Variants in CFAP299 observed in about 807,000 individuals in gnomAD.
CFAP299 encodes cilia- and flagella-associated protein 299.
A neutral mutation model predicts 27.0 loss-of-function variants in CFAP299; 21 were observed. That is an observed-to-expected ratio of 0.78 (90% CI 0.55 to 1.12). CFAP299 has a LOEUF of 1.12. Among genes scored for constraint, CFAP299 ranks in the 50% most tolerant of loss-of-function variants. The probability of loss-of-function intolerance (pLI) is 0.00; values close to 1 mark genes in which losing one functional copy is unlikely to be tolerated. For missense variants in CFAP299, 310 were observed against 276.6 expected, an observed-to-expected ratio of 1.12 and a Z score of -0.86; for synonymous variants, 104 against 98.1, an observed-to-expected ratio of 1.06 and a Z score of -0.36.
intron 3 of CFAP299, among the ~76,000 whole-genome samples, chr4:80,697,421 TA>T (rs1443402521): frequency 6.6e-6 from 1 of 152,222 alleles, no homozygotes; most frequent in African/African-American, 2.4e-5. Flanking sequence ...GCTACTCTTA[TA>T]ACCCTATTGC....
At position 80,362,812 on chromosome 4, in the gene CFAP299, T is replaced by G; in HGVS notation, c.170T>G (p.Val57Gly). The change falls in exon 2 of 6, where the codon GTG (valine) becomes GGG (glycine). Residue 57 changes from valine to glycine, a missense_variant. Physicochemically the swap from Val to Gly is moderately radical, Grantham distance 109. Coordinates refer to ENST00000358105, the MANE Select transcript of CFAP299 (RefSeq NM_152770.3). ...ELGYRGTGER[V>G]KREDFEARKA... ...GGCTACCGAGGGACTGGAGAGAGAG[T>G]GAAAAGGGAAGATTTTGAAGCAAGG... is the stretch of plus-strand genomic sequence containing the variant. 1 of 1,611,628 alleles carries G rather than the reference T, an allele frequency of 6.2e-7. No homozygotes were observed. Among genetic ancestry groups the G allele is most frequent in the South Asian group, 1.1e-5 (1 of 90,826 alleles).
intron 2 of CFAP299, among the ~76,000 whole-genome samples, chr4:80,458,032 G>A (rs1457050310): frequency 6.6e-6 from 1 of 152,022 alleles, no homozygotes; most frequent in Non-Finnish European, 1.5e-5. Context: ...GTCACTCTCA[G>A]TGCTGTCATC....
rs1560598336 is a variant in CFAP299 at position 80,504,492 on chromosome 4, TA to T, written c.243-78600del. 4.7e-3 allele frequency among the ~76,000 whole-genome samples: 619 copies of T among 130,830 alleles called. 12 individuals carry two copies. The highest frequency in any genetic ancestry group is 8.2e-3 in the Non-Finnish European group (495 of 60,240). 85.8% of individuals were successfully genotyped at this position (130,830 alleles called of 152,430 possible). On this transcript the variant is annotated intron_variant, in intron 2 of 5. Coordinates refer to ENST00000358105, the MANE Select transcript of CFAP299 (RefSeq NM_152770.3). ...ATATATATATATATATATATATATA[TA>T]TATATATATATATTTTCCTTTGAAA...
chr4:80,765,634 T>C (rs1353317005), intron 3 of CFAP299, among the ~76,000 whole-genome samples: 1 of 152,020 alleles, frequency 6.6e-6, no homozygotes, highest in Non-Finnish European at 1.5e-5. Context: ...TTTATTATAC[T>C]TTAAGTTTCA....
At chr4:80,667,806 A>T (rs1183465995) in intron 3 of CFAP299, among the ~76,000 whole-genome samples, 2 of 151,788 alleles carry the variant, frequency 1.3e-5, no homozygotes, top group Admixed American at 6.6e-5. Context: ...GCTCTTTGAT[A>T]TATTGATTTC....
chr4:80,934,808 CTTTA>C (rs941329284), intron 4 of CFAP299, among the ~76,000 whole-genome samples: 2 of 151,856 alleles, frequency 1.3e-5, no homozygotes, highest in African/African-American at 4.8e-5. Context: ...GGTATGTCAA[CTTTA>C]TTTATCTTTT....
chr4:80,663,582 G>A (rs1740980176), intron 3 of CFAP299, among the ~76,000 whole-genome samples: 1 of 152,186 alleles, frequency 6.6e-6, no homozygotes, highest in Non-Finnish European at 1.5e-5. Context: ...GGTGAACAGT[G>A]CTGCAATAGA....
intron 2 of CFAP299, among the ~76,000 whole-genome samples, chr4:80,569,962 G>A (rs1317879244): frequency 1.3e-5 from 2 of 151,820 alleles, no homozygotes; most frequent in Admixed American, 6.6e-5. Context: ...TAAAAATTTG[G>A]TAGTGATACA....
intron 4 of CFAP299, among the ~76,000 whole-genome samples, chr4:80,926,345 T>G (rs1736305331): frequency 1.3e-5 from 2 of 151,968 alleles, no homozygotes; most frequent in South Asian, 4.1e-4. Context: ...GGATATAATA[T>G]CTTATGTGAT....
intron 4 of CFAP299, among the ~76,000 whole-genome samples, chr4:80,896,287 A>G (rs1343195977): frequency 2.0e-5 from 3 of 152,164 alleles, no homozygotes; most frequent in Non-Finnish European, 4.4e-5. Context: ...CACATGTAAT[A>G]CACATAATTT....
chr4:80,738,895 T>C (rs1724081291), intron 3 of CFAP299, among the ~76,000 whole-genome samples: 1 of 152,024 alleles, frequency 6.6e-6, no homozygotes, highest in Admixed American at 6.6e-5. Flanking sequence ...TTTTAATTTT[T>C]TTGTGTGTGT....
At position 80,762,707 on chromosome 4, in the gene CFAP299, A is replaced by G. The variant is rs536185994; in HGVS notation, c.334-107286A>G. Among the ~76,000 whole-genome samples, 5 of 152,270 alleles carry G rather than the reference A, an allele frequency of 3.3e-5. No individual in the cohort carries two copies. In the South Asian group the frequency reaches 1.0e-3, roughly 32 times the overall value. On this transcript the variant is annotated intron_variant, in intron 3 of 5. Coordinates refer to ENST00000358105, the MANE Select transcript of CFAP299 (RefSeq NM_152770.3). ...CAGTTATTGGGGATATGACTGGTGAACAATCTTTTGCTGTCAGCTCCCTGT... is the reference window on the plus strand; with the variant it reads ...CAGTTATTGGGGATATGACTGGTGAGCAATCTTTTGCTGTCAGCTCCCTGT...
At chr4:80,791,352 T>C (rs1457914634) in intron 3 of CFAP299, among the ~76,000 whole-genome samples, 1 of 152,084 alleles carries the variant, frequency 6.6e-6, no homozygotes, top group African/African-American at 2.4e-5. Context: ...TTTAACCTCC[T>C]TGACTCTCAA....
chr4:80,603,396 A>G (rs1737467735), intron 3 of CFAP299, among the ~76,000 whole-genome samples: 1 of 152,178 alleles, frequency 6.6e-6, no homozygotes, highest in Non-Finnish European at 1.5e-5. Context: ...ATACATATAC[A>G]TACATATATG....
intron 2 of CFAP299, among the ~76,000 whole-genome samples, chr4:80,503,731 G>C (rs906290554): frequency 2.0e-5 from 3 of 152,086 alleles, no homozygotes; most frequent in Non-Finnish European, 4.4e-5. Flanking sequence ...CCATTTTCAG[G>C]CTATCAGCCC....
intron 3 of CFAP299, among the ~76,000 whole-genome samples, chr4:80,735,086 G>A (rs558143918): frequency 8.8e-4 from 134 of 152,094 alleles, no homozygotes; most frequent in African/African-American, 3.1e-3. Context: ...TCCATGAACT[G>A]GAATATCTTT....
rs568585668 is a variant in CFAP299 at position 80,835,554 on chromosome 4, T to C, written c.334-34439T>C. On this transcript the variant is annotated intron_variant, in intron 3 of 5. Coordinates refer to ENST00000358105, the MANE Select transcript of CFAP299 (RefSeq NM_152770.3). ...GGCTGACTGTTGGTTCCCAATGATA[T>C]CAGGTTCTAATCCCTGGAAACCTAT... 1.1e-4 allele frequency among the ~76,000 whole-genome samples: 17 copies of C among 152,012 alleles called. 1 individual carries two copies. The highest frequency in any genetic ancestry group is 5.2e-4 in the Admixed American group (8 of 15,244).
At chr4:80,942,585 A>G (rs1254009133) in intron 4 of CFAP299, among the ~76,000 whole-genome samples, 5 of 152,284 alleles carry the variant, frequency 3.3e-5, no homozygotes, top group African/African-American at 9.6e-5. Context: ...AAATGTCTTC[A>G]TCAAAAGAAT....
chr4:80,435,895 AC>A (rs1397929959), intron 2 of CFAP299, among the ~76,000 whole-genome samples: 1 of 152,090 alleles, frequency 6.6e-6, no homozygotes, highest in Non-Finnish European at 1.5e-5. Context: ...GGAAATATAA[AC>A]TTTTATTTTA....
Sources: gnomAD v4.1 joint callset for allele counts (sites outside exome capture counted in the v4.1 genomes callset) on GRCh38, gnomAD v4.1.1 for gene constraint, MANE v1.5 for transcripts, NCBI Gene and HGNC (gene_info 2026-07-23, HGNC 2026-07-21) for gene names.